Variants in HPSE2 observed in about 807,000 individuals in gnomAD.
The protein encoded by HPSE2 is heparanase 2 (inactive), also known as inactive heparanase-2.
Under a neutral mutation model 60.5 loss-of-function variants are expected in HPSE2, and 38 were observed. The ratio of observed to expected loss-of-function variants is 0.63; its 90% confidence interval spans 0.48 to 0.82. The LOEUF is 0.82. HPSE2 is among the 40% of genes least tolerant of loss of function. The probability of loss-of-function intolerance (pLI) is 0.00; values close to 1 mark genes in which losing one functional copy is unlikely to be tolerated. For synonymous variants in HPSE2, 295 were observed against 293.2 expected (o/e 1.01, Z -0.06); for missense variants, 713 against 740.4 (o/e 0.96, Z 0.43).
At chr10:99,146,989 CTCTT>C (rs902000737) in intron 2 of HPSE2, among the ~76,000 whole-genome samples, 1 of 152,246 alleles carries the variant, frequency 6.6e-6, no homozygotes, top group African/African-American at 2.4e-5. Context: ...GACTGCCTAT[CTCTT>C]AATTTCTTGT....
chr10:99,193,097 TAGAC>T (rs1384190459), intron 2 of HPSE2, among the ~76,000 whole-genome samples: 6 of 152,178 alleles, frequency 3.9e-5, no homozygotes, highest in Non-Finnish European at 8.8e-5. Flanking sequence ...TTTCAAGACA[TAGAC>T]AGTACAATAG....
chr10:98,741,490 A>T (rs1949495491), intron 4 of HPSE2, among the ~76,000 whole-genome samples: 3 of 152,088 alleles, frequency 2.0e-5, no homozygotes, highest in African/African-American at 7.2e-5. Flanking sequence ...ACTTGTCTGG[A>T]ACAGATATAT....
intron 2 of HPSE2, among the ~76,000 whole-genome samples, chr10:99,207,148 C>T (rs1307225705): frequency 2.0e-5 from 3 of 151,934 alleles, no homozygotes; most frequent in Admixed American, 6.6e-5. Flanking sequence ...TTTCCAAAAC[C>T]AGCAAAAGAA....
chr10:99,228,664 T>C lies in HPSE2; in HGVS notation c.448+3684A>G, dbSNP rs540188713. Reference sequence around the variant, plus strand: ...TTTTTACTTCTTCCATCATCACTATTTGTGTATATAATTCAAGGTGCCTAA... The same window carrying C: ...TTTTTACTTCTTCCATCATCACTATCTGTGTATATAATTCAAGGTGCCTAA... On this transcript the variant is annotated intron_variant, in intron 2 of 11. Coordinates refer to ENST00000370552, the MANE Select transcript of HPSE2 (RefSeq NM_021828.5). Among the ~76,000 whole-genome samples the C allele has an allele frequency of 2.0e-5, 3 of 152,302 alleles. No homozygotes were observed. In the East Asian group the frequency reaches 5.8e-4, roughly 29 times the overall value.
chr10:99,155,078 T>C (rs1285828613), intron 2 of HPSE2, among the ~76,000 whole-genome samples: 21 of 144,348 alleles, frequency 1.5e-4, no homozygotes, highest in Non-Finnish European at 7.7e-5. Flanking sequence ...ATGCACCCAA[T>C]ACAGGAGCAC....
intron 3 of HPSE2, among the ~76,000 whole-genome samples, chr10:99,076,975 A>G (rs1489321274): frequency 1.3e-5 from 2 of 152,198 alleles, no homozygotes; most frequent in Non-Finnish European, 2.9e-5. Context: ...CAATTTTGCC[A>G]GGTATACGAT....
intron 3 of HPSE2, among the ~76,000 whole-genome samples, chr10:98,989,785 G>C (rs777941294): frequency 2.7e-4 from 41 of 152,216 alleles, no homozygotes; most frequent in Non-Finnish European, 4.7e-4. Context: ...AAGCAGGCTT[G>C]GAGAATGTAT....
Position 99,029,945 on chromosome 10 carries a change from G to A in HPSE2, c.610+114293C>T, listed in dbSNP as rs1420632076. Among the ~76,000 whole-genome samples the A allele has an allele frequency of 3.9e-5, 6 of 152,118 alleles. No homozygotes were observed. The East Asian group carries it at 5.8e-4, about 15-fold the overall frequency. On this transcript the variant is annotated intron_variant, in intron 3 of 11. Coordinates refer to ENST00000370552, the MANE Select transcript of HPSE2 (RefSeq NM_021828.5). ...ACACTTTTCGCTACCACTAGACCAC[G>A]GTCTGCCTGGCAACGGGCATCTTCC...
At chr10:98,974,938 T>C (rs997308293) in intron 3 of HPSE2, among the ~76,000 whole-genome samples, 3 of 152,250 alleles carry the variant, frequency 2.0e-5, no homozygotes, top group Non-Finnish European at 4.4e-5. Flanking sequence ...CTATTACTTT[T>C]ATTATTTTGA....
chr10:98,474,903 G>T (rs982398506), intron 11 of HPSE2, among the ~76,000 whole-genome samples: 2 of 151,840 alleles, frequency 1.3e-5, no homozygotes, highest in African/African-American at 4.8e-5. Flanking sequence ...GCTCCTTTAG[G>T]AGATTCTGAG....
chr10:98,553,561 ATG>A (rs1943920809), intron 9 of HPSE2, among the ~76,000 whole-genome samples: 2 of 152,212 alleles, frequency 1.3e-5, no homozygotes, highest in African/African-American at 4.8e-5. Flanking sequence ...AGCCTTGGCA[ATG>A]GCCAGGTCAA....
chr10:99,238,780 C>G (rs1419625679), upstream of HPSE2, among the ~76,000 whole-genome samples: 3 of 152,162 alleles, frequency 2.0e-5, no homozygotes, highest in African/African-American at 4.8e-5. Flanking sequence ...ATCCTATCTT[C>G]TGTGTGCTAG....
chr10:98,967,784 T>G (rs375723458), intron 3 of HPSE2, among the ~76,000 whole-genome samples: 2 of 152,298 alleles, frequency 1.3e-5, no homozygotes, highest in East Asian at 1.9e-4. Context: ...TGCCACTTGT[T>G]GCAGATAGAT....
intron 10 of HPSE2, among the ~76,000 whole-genome samples, chr10:98,484,146 G>A (rs568207198): frequency 6.6e-6 from 1 of 152,030 alleles, no homozygotes; most frequent in South Asian, 2.1e-4. Context: ...TTCTTCTTTT[G>A]TAAGCTGACC....
chr10:98,761,975 C>G (rs11189805), intron 3 of HPSE2, among the ~76,000 whole-genome samples: 103,039 of 148,168 alleles, frequency 0.7, 37,067 homozygotes, highest in Non-Finnish European at 0.8. Flanking sequence ...ATTTACCTTC[C>G]CTCCCCTCCC....
At chr10:98,993,761 T>A (rs779545216) in intron 3 of HPSE2, among the ~76,000 whole-genome samples, 5 of 152,172 alleles carry the variant, frequency 3.3e-5, no homozygotes, top group African/African-American at 1.2e-4. Context: ...CCAATCTGTA[T>A]AAATTTTTTC....
intron 6 of HPSE2, among the ~76,000 whole-genome samples, chr10:98,674,742 C>G (rs949153150): frequency 6.6e-5 from 10 of 152,124 alleles, no homozygotes; most frequent in African/African-American, 2.4e-4. Flanking sequence ...TGGTGAAACC[C>G]TGTCTTTACT....
intron 3 of HPSE2, among the ~76,000 whole-genome samples, chr10:98,897,002 C>T (rs1014913236): frequency 6.6e-6 from 1 of 152,168 alleles, no homozygotes; most frequent in Non-Finnish European, 1.5e-5. Flanking sequence ...GTCACTGGGA[C>T]ATTCTGCCAA....
At chr10:98,872,436 G>GC (rs1186613732) in intron 3 of HPSE2, among the ~76,000 whole-genome samples, 1 of 151,974 alleles carries the variant, frequency 6.6e-6, no homozygotes, top group African/African-American at 2.4e-5. Flanking sequence ...CTTCATATTT[G>GC]CCATATCCAC....
Sources: gnomAD v4.1 joint callset for allele counts (sites outside exome capture counted in the v4.1 genomes callset) on GRCh38, gnomAD v4.1.1 for gene constraint, MANE v1.5 for transcripts, NCBI Gene and HGNC (gene_info 2026-07-23, HGNC 2026-07-21) for gene names.